GLT8D2: variants seen among roughly 807,000 people sequenced by gnomAD.
GLT8D2 encodes the protein glycosyltransferase 8 domain containing 2.
Under a neutral mutation model 44.5 loss-of-function variants are expected in GLT8D2, and 45 were observed. The observed-to-expected ratio is 1.01, with a 90% CI of 0.80 to 1.30. The LOEUF (loss-of-function observed/expected upper bound fraction) is 1.30. GLT8D2 is among the 50% of genes most tolerant of loss of function. The pLI is 0.00. For synonymous variants in GLT8D2, 156 were observed against 157.2 expected, an observed-to-expected ratio of 0.99 and a Z score of 0.06; for missense variants, 400 against 430.4, an observed-to-expected ratio of 0.93 and a Z score of 0.62.
chr12:104,043,763 G>T (rs569105221), intron 1 of GLT8D2, among the ~76,000 whole-genome samples: 1 of 152,160 alleles, frequency 6.6e-6, no homozygotes, highest in Non-Finnish European at 1.5e-5. Context: ...CACTGTGCCC[G>T]GCTGTGACTC....
chr12:104,009,514 T>C (rs1482897764), intron 4 of GLT8D2, among the ~76,000 whole-genome samples: 2 of 152,216 alleles, frequency 1.3e-5, no homozygotes, highest in Non-Finnish European at 1.5e-5. Context: ...CTTGCCTTGT[T>C]TCAGATGGGA....
chr12:104,012,183 A>ATAT lies in GLT8D2; in HGVS notation c.112+2829_112+2830insATA, dbSNP rs1555278385. 1.1e-4 allele frequency among the ~76,000 whole-genome samples: 9 copies of ATAT among 84,072 alleles called. No homozygotes were observed. The South Asian group carries it at 1.8e-3, about 17-fold the overall frequency. 55.2% of individuals were successfully genotyped at this position (84,072 alleles called of 152,430 possible). On this transcript the variant is annotated intron_variant, in intron 4 of 10. Transcript: ENST00000360814. ...GAAACTCTGTCTCAAAAAAAAAAAA[A>ATAT]AAAAAAATATATATATATATATATA...
At chr12:103,999,690 T>A (rs921500774) in intron 5 of GLT8D2, among the ~76,000 whole-genome samples, 176 bp from the exon 6 acceptor site, 2 of 152,216 alleles carry the variant, frequency 1.3e-5, no homozygotes, top group African/African-American at 4.8e-5. Flanking sequence ...GGTCTGACTT[T>A]AAATCTTTTT....
intron 1 of GLT8D2, among the ~76,000 whole-genome samples, chr12:104,022,096 G>GAAGAA (rs988620027): frequency 4.6e-5 from 7 of 150,886 alleles, no homozygotes; most frequent in African/African-American, 1.5e-4. Context: ...AAGAAAGAAA[G>GAAGAA]AAGAAAAGAA....
At chr12:104,047,854 G>T (rs1335901183) in intron 1 of GLT8D2, among the ~76,000 whole-genome samples, 1 of 152,196 alleles carries the variant, frequency 6.6e-6, no homozygotes, top group Non-Finnish European at 1.5e-5. Context: ...TTCACAAAAA[G>T]CCTTTAGAGT....
chr12:104,053,787 G>A (rs1042553519), upstream of GLT8D2, among the ~76,000 whole-genome samples: 11 of 152,012 alleles, frequency 7.2e-5, no homozygotes, highest in Non-Finnish European at 1.3e-4. Flanking sequence ...GGGAGGCTGA[G>A]GCAGGAGAAT....
chr12:103,989,816 CAAAAT>C (rs1872492723), intron 10 of GLT8D2, among the ~76,000 whole-genome samples: 1 of 151,886 alleles, frequency 6.6e-6, no homozygotes, highest in Non-Finnish European at 1.5e-5. Flanking sequence ...AGACAGAAGA[CAAAAT>C]AGAGCATACT....
At position 103,994,398 on chromosome 12, in the gene GLT8D2, A is replaced by T. The variant is rs746162227; in HGVS notation, c.704T>A (p.Met235Lys). The change falls in exon 9 of 11, where the codon ATG becomes AAG. Residue 235 changes from methionine (M) to lysine (K), a missense_variant. Met to Lys is a moderately conservative substitution (Grantham distance 95, BLOSUM62 -1). Transcript: ENST00000360814. Reference protein sequence around the residue: ...SFNPGVIVANMTEWKHQRITK... With the variant: ...SFNPGVIVANKTEWKHQRITK... ...GATGCGCTGGTGCTTCCATTCTGTC[A>T]TGTTGGCAACAATCACACCAGGATT... The T allele has an allele frequency of 6.2e-6, 10 of 1,614,054 alleles. No homozygotes were observed. The highest frequency in any genetic ancestry group is 5.5e-5 in the South Asian group (5 of 91,054).
intron 4 of GLT8D2, among the ~76,000 whole-genome samples, chr12:104,004,576 T>A (rs1166902495): frequency 1.3e-5 from 2 of 152,208 alleles, no homozygotes; most frequent in African/African-American, 4.8e-5. Context: ...AGCATTCTTA[T>A]ACACCAATAA....
chr12:104,016,361 G>T (rs1425905055), intron 3 of GLT8D2, among the ~76,000 whole-genome samples: 9 of 151,808 alleles, frequency 5.9e-5, no homozygotes, highest in Admixed American at 5.9e-4. Context: ...TGCAGGCCGG[G>T]TGTGGTGGCT....
intron 1 of GLT8D2, among the ~76,000 whole-genome samples, chr12:104,033,612 T>C (rs767709368): frequency 2.8e-4 from 42 of 152,222 alleles, no homozygotes; most frequent in Admixed American, 5.2e-4. Flanking sequence ...TAATGTATTG[T>C]ATACTTGAAA....
chr12:104,049,343 T>C (rs2136513842), intron 1 of GLT8D2: 1 of 152,236 alleles, frequency 6.6e-6, no homozygotes, highest in East Asian at 1.9e-4. Context: ...GCTTATAAAG[T>C]AAACATAAGA....
chr12:104,035,334 A>G (rs1209487040), intron 1 of GLT8D2, among the ~76,000 whole-genome samples: 1 of 152,256 alleles, frequency 6.6e-6, no homozygotes, highest in African/African-American at 2.4e-5. Flanking sequence ...AGCTGACAGA[A>G]GTAGGCTTCA....
At chr12:104,060,516 C>T (rs1202306253) in intron 1 of GLT8D2, among the ~76,000 whole-genome samples, 2 of 152,134 alleles carry the variant, frequency 1.3e-5, no homozygotes, top group Non-Finnish European at 2.9e-5. Flanking sequence ...AGCCTTAACC[C>T]GCTGTACCTA....
intron 4 of GLT8D2, chr12:104,012,507 T>C: frequency 3.4e-6 from 1 of 290,404 alleles, no homozygotes; most frequent in South Asian, 1.1e-4. Flanking sequence ...ACCTATCCAC[T>C]TATTTTCCTG....
intron 4 of GLT8D2, 98 bp from the exon 5 acceptor site, chr12:104,003,404 G>A: frequency 9.6e-7 from 1 of 1,040,900 alleles, no homozygotes; most frequent in Non-Finnish European, 1.4e-6. Flanking sequence ...ATGGCATAGT[G>A]TGGAAGAGAC....
chr12:104,012,691 G>C (rs368389573), intron 4 of GLT8D2: 7 of 620,342 alleles, frequency 1.1e-5, no homozygotes, highest in Non-Finnish European at 2.0e-5. Context: ...GGACTGAATT[G>C]TGTCCTCCAG....
chr12:104,048,806 C>T (rs1252072208), intron 1 of GLT8D2, among the ~76,000 whole-genome samples: 1 of 152,210 alleles, frequency 6.6e-6, no homozygotes, highest in Admixed American at 6.5e-5. Context: ...CTAACCTTTC[C>T]TGAGGCCTAA....
chr12:104,004,274 T>C (rs970799489), intron 4 of GLT8D2, among the ~76,000 whole-genome samples: 20 of 152,278 alleles, frequency 1.3e-4, no homozygotes, highest in African/African-American at 4.8e-4. Flanking sequence ...GCCAATATCA[T>C]ACTGAATGGG....
Sources: allele counts gnomAD v4.1 joint callset (sites outside exome capture counted in the v4.1 genomes callset), GRCh38; gene constraint gnomAD v4.1.1; transcripts MANE v1.5; gene names NCBI Gene and HGNC (gene_info 2026-07-23, HGNC 2026-07-21).